Variants in GALNT18 observed in about 807,000 individuals in gnomAD.
GALNT18 encodes the protein GalNAc-transferase 18.
A neutral mutation model predicts 69.5 loss-of-function variants in GALNT18; 44 were observed. That is an observed-to-expected ratio of 0.63 (90% confidence interval 0.50 to 0.81). The LOEUF is 0.81. GALNT18 is among the 40% of genes least tolerant of loss of function. The pLI is 0.00. For synonymous variants in GALNT18, 364 were observed against 318.2 expected (o/e 1.14, Z -1.53); for missense variants, 715 against 810.0 (o/e 0.88, Z 1.42).
rs569884463 is a variant in GALNT18 at position 11,459,717 on chromosome 11, C to A, written c.236-10781G>T. On this transcript the variant is annotated intron_variant, in intron 1 of 10. Transcript: ENST00000227756. The surrounding 1 kb of genome is among the most constrained non-coding windows in gnomAD (Gnocchi z 5.0). Reference sequence around the variant, plus strand: ...AAGATTAAGTGAGATGATGGACACCCCGAAAGTGCTTAGCAAACCATCAGA... The same window carrying A: ...AAGATTAAGTGAGATGATGGACACCACGAAAGTGCTTAGCAAACCATCAGA... 1.3e-5 allele frequency among the ~76,000 whole-genome samples: 2 copies of A among 152,268 alleles called. No homozygotes were observed. Among genetic ancestry groups the A allele is most frequent in the South Asian group, 4.2e-4 (2 of 4,816 alleles).
chr11:11,573,668 G>A lies in GALNT18; in HGVS notation c.235+47691C>T, dbSNP rs977356550. 6 of 152,182 alleles carry A rather than the reference G, an allele frequency of 3.9e-5. No individual in the cohort carries two copies. Among genetic ancestry groups the A allele is most frequent in the Admixed American group, 2.0e-4 (3 of 15,280 alleles). The allele number at this position is 152,182 out of a possible 1,614,324, so 9.4% of individuals were successfully genotyped here. A position where few individuals can be genotyped will look rare whatever the true frequency, so the allele number is the denominator to read the frequency against. ...ATCTTTAGAAAACAGCAGGATCTCC[G>A]AGGAGAGAAAGAATTTCTCTCCAGC... On this transcript the variant is annotated intron_variant, in intron 1 of 10. Transcript: ENST00000227756. The surrounding 1 kb of genome is among the most constrained non-coding windows in gnomAD (Gnocchi z 4.6).
intron 9 of GALNT18, among the ~76,000 whole-genome samples, chr11:11,297,148 A>G (rs968278486): frequency 6.6e-6 from 1 of 152,010 alleles, no homozygotes; most frequent in African/African-American, 2.4e-5. Flanking sequence ...CTGGTCTGGG[A>G]TCCCACTCAA....
Position 11,523,135 on chromosome 11 carries a change from C to T in GALNT18, c.236-74199G>A, listed in dbSNP as rs762938954. 2.8e-4 allele frequency among the ~76,000 whole-genome samples: 42 copies of T among 152,220 alleles called. No individual in the cohort carries two copies. Among genetic ancestry groups the T allele is most frequent in the Admixed American group, 2.5e-3 (38 of 15,282 alleles). Reference sequence around the variant, plus strand: ...TCAATTCCATCTGAGTGAAGGTCTACAGTGCTATTTTGAGCCAGGAGGTCT... The same window carrying T: ...TCAATTCCATCTGAGTGAAGGTCTATAGTGCTATTTTGAGCCAGGAGGTCT... On this transcript the variant is annotated intron_variant, in intron 1 of 10. Coordinates refer to ENST00000227756, the MANE Select transcript of GALNT18 (RefSeq NM_198516.3). The surrounding 1 kb of genome is among the most constrained non-coding windows in gnomAD (Gnocchi z 4.3).
chr11:11,533,122 A>G (rs1182316275), intron 1 of GALNT18, among the ~76,000 whole-genome samples: 2 of 152,240 alleles, frequency 1.3e-5, no homozygotes, highest in Admixed American at 1.3e-4. Flanking sequence ...TAATCTCCAG[A>G]ACCCAGAAAA....
At position 11,430,441 on chromosome 11, in the gene GALNT18, G is replaced by C. The variant is rs1329742608; in HGVS notation, c.595+2180C>G. ...GCACTGGTTTGGGTGTGCATATACAGCTCGATGCAGTTGTGATGACAAGTA... is the reference window on the plus strand; with the variant it reads ...GCACTGGTTTGGGTGTGCATATACACCTCGATGCAGTTGTGATGACAAGTA... On this transcript the variant is annotated intron_variant, in intron 3 of 10. Transcript: ENST00000227756. This position sits in a 1 kb window ranked among gnomAD's most constrained non-coding sequence, Gnocchi z 4.9. Among the ~76,000 whole-genome samples, 1 of 152,222 alleles carries C rather than the reference G, an allele frequency of 6.6e-6. No individual in the cohort carries two copies. The highest frequency in any genetic ancestry group is 1.9e-4 in the East Asian group (1 of 5,196).
intron 3 of GALNT18, among the ~76,000 whole-genome samples, chr11:11,400,368 A>T (rs1423862155): frequency 6.6e-6 from 1 of 152,212 alleles, no homozygotes; most frequent in Non-Finnish European, 1.5e-5. Context: ...TAGATAGTTA[A>T]CGCAATGATC....
chr11:11,485,841 T>C (rs1856632640), intron 1 of GALNT18, among the ~76,000 whole-genome samples: 1 of 152,112 alleles, frequency 6.6e-6, no homozygotes, highest in Non-Finnish European at 1.5e-5. Flanking sequence ...AGGGAAACCT[T>C]GTGTGGTAAA....
chr11:11,296,888 C>G (rs968275610), intron 9 of GALNT18, among the ~76,000 whole-genome samples: 3 of 152,202 alleles, frequency 2.0e-5, no homozygotes, highest in Admixed American at 2.0e-4. Flanking sequence ...AGAAGCCCAG[C>G]CTAGCGGATT....
At chr11:11,353,619 C>G (rs146727862) in intron 6 of GALNT18, among the ~76,000 whole-genome samples, 1 of 152,124 alleles carries the variant, frequency 6.6e-6, no homozygotes, top group Non-Finnish European at 1.5e-5. Context: ...GAAGCTTAAT[C>G]GAATCAGAAA....
intron 10 of GALNT18, among the ~76,000 whole-genome samples, chr11:11,276,163 A>T (rs1382789786): frequency 6.6e-6 from 1 of 152,176 alleles, no homozygotes; most frequent in Non-Finnish European, 1.5e-5. Flanking sequence ...CCCACCCATG[A>T]GCGTGGAATG....
In GALNT18 at chr11:11,480,287, C is replaced by T. The variant is rs1017655232; in HGVS notation, c.236-31351G>A. Among the ~76,000 whole-genome samples the T allele has an allele frequency of 2.0e-5, 3 of 152,038 alleles. No individual in the cohort carries two copies. The highest frequency in any genetic ancestry group is 2.9e-5 in the Non-Finnish European group (2 of 67,992). The stretch of plus-strand genomic sequence containing the variant: ...CTCTTTCTCTCTCTCTCGCCCCCCT[C>T]GCCCCAACCTCAGTCATATCCCAAT... On this transcript the variant is annotated intron_variant, in intron 1 of 10. Coordinates refer to ENST00000227756, the MANE Select transcript of GALNT18 (RefSeq NM_198516.3). The surrounding 1 kb of genome is among the most constrained non-coding windows in gnomAD (Gnocchi z 4.6).
chr11:11,381,845 T>C (rs117954931), intron 3 of GALNT18, among the ~76,000 whole-genome samples: 478 of 152,338 alleles, frequency 3.1e-3, no homozygotes, highest in Non-Finnish European at 5.1e-3. Context: ...CCAGCCTTTA[T>C]TGCAGGATTC....
chr11:11,503,074 A>AC (rs1857005355), intron 1 of GALNT18, among the ~76,000 whole-genome samples: 1 of 152,164 alleles, frequency 6.6e-6, no homozygotes, highest in Admixed American at 6.5e-5. Context: ...TCAGATCTCT[A>AC]CCCTTAGGAC....
chr11:11,538,943 G>A lies in GALNT18; in HGVS notation c.235+82416C>T, dbSNP rs566624422. ...GGTGCCCCCCAGATCCCTGGGTGCC[G>A]TGGGCCTCCCTTTTCACTCAGTCCC... is the stretch of plus-strand genomic sequence containing the variant. On this transcript the variant is annotated intron_variant, in intron 1 of 10. Coordinates refer to ENST00000227756, the MANE Select transcript of GALNT18 (RefSeq NM_198516.3). The surrounding 1 kb of genome is among the most constrained non-coding windows in gnomAD (Gnocchi z 5.2). Among the ~76,000 whole-genome samples the A allele has an allele frequency of 6.6e-5, 10 of 152,162 alleles. No homozygotes were observed. The highest frequency in any genetic ancestry group is 1.3e-4 in the Non-Finnish European group (9 of 68,028).
chr11:11,605,739 A>G lies in GALNT18; in HGVS notation c.235+15620T>C, dbSNP rs1347526539. ...TGGCATTATTCTCTGCTTTTCGTGC[A>G]GTTTACTTTTTACCTTCTGCACCCA... On this transcript the variant is annotated intron_variant, in intron 1 of 10. Transcript: ENST00000227756. The surrounding 1 kb of genome is among the most constrained non-coding windows in gnomAD (Gnocchi z 4.7). Among the ~76,000 whole-genome samples the G allele has an allele frequency of 6.6e-6, 1 of 152,068 alleles. No homozygotes were observed. Among genetic ancestry groups the G allele is most frequent in the Non-Finnish European group, 1.5e-5 (1 of 68,012 alleles).
chr11:11,594,996 T>TGC (rs1808949153), intron 1 of GALNT18, among the ~76,000 whole-genome samples: 1 of 150,414 alleles, frequency 6.6e-6, no homozygotes, highest in Admixed American at 6.6e-5. Context: ...TGTGTGTGTG[T>TGC]GTGTATATAT....
At chr11:11,489,040 T>G (rs1856703439) in intron 1 of GALNT18, among the ~76,000 whole-genome samples, 1 of 152,220 alleles carries the variant, frequency 6.6e-6, no homozygotes, top group Admixed American at 6.5e-5. Flanking sequence ...CCCACTGCTG[T>G]GGAGTATGAT....
intron 1 of GALNT18, among the ~76,000 whole-genome samples, chr11:11,610,431 G>A (rs1337386878): frequency 6.6e-6 from 1 of 152,162 alleles, no homozygotes; most frequent in Non-Finnish European, 1.5e-5. Context: ...TGAGGTGACA[G>A]GTGTAAAGTA....
intron 1 of GALNT18, among the ~76,000 whole-genome samples, chr11:11,561,613 T>C (rs1164004728): frequency 6.6e-6 from 1 of 152,226 alleles, no homozygotes; most frequent in African/African-American, 2.4e-5. Flanking sequence ...CATTAATTCA[T>C]CCCAAAAGTA....
Sources: allele counts gnomAD v4.1 joint callset (sites outside exome capture counted in the v4.1 genomes callset), GRCh38; gene constraint gnomAD v4.1.1; non-coding constraint Gnocchi (gnomAD v3.1); transcripts MANE v1.5; gene names NCBI Gene and HGNC (gene_info 2026-07-23, HGNC 2026-07-21).